CSMD3: variants seen among roughly 807,000 people sequenced by gnomAD.
CSMD3 encodes the protein CUB and sushi domain-containing protein 3.
A neutral mutation model predicts 435.2 loss-of-function variants in CSMD3; 177 were observed. The ratio of observed to expected loss-of-function variants is 0.41; its 90% CI spans 0.36 to 0.46. CSMD3 has a LOEUF of 0.46. Among genes scored for constraint, CSMD3 ranks in the 20% least tolerant of loss-of-function variants. The probability of loss-of-function intolerance (pLI) is 0.34; values close to 1 mark genes in which losing one functional copy is unlikely to be tolerated. For synonymous variants in CSMD3, 1,656 were observed against 1,520.5 expected, an observed-to-expected ratio of 1.09 and a Z score of -2.07; for missense variants, 4,265 against 4,504.6, an observed-to-expected ratio of 0.95 and a Z score of 1.52.
intron 3 of CSMD3, among the ~76,000 whole-genome samples, chr8:113,198,461 C>T (rs1210535404): frequency 6.6e-6 from 1 of 151,004 alleles, no homozygotes; most frequent in Non-Finnish European, 1.5e-5. Flanking sequence ...TTATCAGCTC[C>T]AATTTTTGGA....
intron 31 of CSMD3, among the ~76,000 whole-genome samples, chr8:112,476,257 G>T (rs1819041934): frequency 6.6e-6 from 1 of 152,086 alleles, no homozygotes; most frequent in Non-Finnish European, 1.5e-5. Flanking sequence ...TGTCAGCCAG[G>T]CTGGTCTTGA....
At chr8:113,032,147 G>C (rs556784795) in intron 5 of CSMD3, among the ~76,000 whole-genome samples, 7 of 151,546 alleles carry the variant, frequency 4.6e-5, no homozygotes, top group Non-Finnish European at 1.0e-4. Flanking sequence ...AATACAGAGA[G>C]TTGGTACTAG....
chr8:113,410,932 A>G (rs1206777975), intron 1 of CSMD3, among the ~76,000 whole-genome samples: 2 of 146,214 alleles, frequency 1.4e-5, no homozygotes, highest in Non-Finnish European at 3.0e-5. Context: ...AAAGAAAGAA[A>G]GAAAGAAAGA....
intron 2 of CSMD3, chr8:113,312,505 T>C (rs2093877348): frequency 6.6e-6 from 1 of 152,134 alleles, no homozygotes; most frequent in Non-Finnish European, 1.5e-5. Context: ...AACTTCGCAA[T>C]TTTTTAACTT....
intron 3 of CSMD3, among the ~76,000 whole-genome samples, chr8:113,244,539 C>T (rs2093255468): frequency 6.6e-6 from 1 of 152,124 alleles, no homozygotes; most frequent in Non-Finnish European, 1.5e-5. Flanking sequence ...TGGTCTCAAA[C>T]TCCTGACCTC....
At chr8:113,006,859 G>A (rs1163421700) in intron 6 of CSMD3, among the ~76,000 whole-genome samples, 1 of 151,898 alleles carries the variant, frequency 6.6e-6, no homozygotes. Context: ...AATCCCAGAA[G>A]AGAAAGGCCC....
At chr8:112,897,364 T>TA (rs1326456609) in intron 10 of CSMD3, among the ~76,000 whole-genome samples, 1 of 151,252 alleles carries the variant, frequency 6.6e-6, no homozygotes, top group Non-Finnish European at 1.5e-5. Context: ...ATAAATTAAT[T>TA]AAGAACATAT....
At chr8:112,617,111 G>A (rs1442038333) in intron 22 of CSMD3, among the ~76,000 whole-genome samples, 2 of 152,288 alleles carry the variant, frequency 1.3e-5, no homozygotes, top group South Asian at 2.1e-4. Flanking sequence ...ACACTCATTG[G>A]ATAGTGGAGC....
rs529473648 is a variant in CSMD3 at position 113,272,728 on chromosome 8, A to G, written c.514+5864T>C. On this transcript the variant is annotated intron_variant, in intron 3 of 70. Coordinates refer to ENST00000297405, the MANE Select transcript of CSMD3 (RefSeq NM_198123.2). ...GAACCTATTCAATTACATCTAAAAT[A>G]TTTTATTGAAATAATATCTAATACG... Among the ~76,000 whole-genome samples the G allele has an allele frequency of 2.6e-5, 4 of 152,332 alleles. No individual in the cohort carries two copies. In the South Asian group the frequency reaches 8.3e-4, roughly 32 times the overall value.
At chr8:112,548,538 C>T (rs1380706406) in intron 27 of CSMD3, among the ~76,000 whole-genome samples, 1 of 152,058 alleles carries the variant, frequency 6.6e-6, no homozygotes, top group Non-Finnish European at 1.5e-5. Context: ...TGATCTTGAA[C>T]AAATTAACTG....
intron 38 of CSMD3, among the ~76,000 whole-genome samples, chr8:112,359,475 T>C (rs1008170363): frequency 3.9e-5 from 6 of 152,184 alleles, no homozygotes; most frequent in Non-Finnish European, 8.8e-5. Flanking sequence ...CAGTAAACAT[T>C]ACTTGTGTGA....
intron 5 of CSMD3, among the ~76,000 whole-genome samples, chr8:113,087,320 C>CCA (rs2089827521): frequency 6.7e-6 from 1 of 149,344 alleles, no homozygotes; most frequent in South Asian, 2.1e-4. Flanking sequence ...CCCCATCAAG[C>CCA]TACCAATGAC....
At chr8:112,722,825 CAT>C (rs2076887303) in intron 13 of CSMD3, among the ~76,000 whole-genome samples, 1 of 152,014 alleles carries the variant, frequency 6.6e-6, no homozygotes, top group South Asian at 2.1e-4. Context: ...AATTATGAAA[CAT>C]ATGATGTGTC....
At chr8:112,453,572 TAC>T (rs1161786365) in intron 32 of CSMD3, among the ~76,000 whole-genome samples, 1 of 152,064 alleles carries the variant, frequency 6.6e-6, no homozygotes, top group African/African-American at 2.4e-5. Context: ...GAAAGATCTC[TAC>T]AAGGAGAACT....
intron 61 of CSMD3, among the ~76,000 whole-genome samples, chr8:112,262,939 C>T (rs1327653563): frequency 6.6e-6 from 1 of 152,038 alleles, no homozygotes; most frequent in East Asian, 1.9e-4. Context: ...AGGTAGAGTC[C>T]TCCTCTATCC....
chr8:112,237,416 G>C (rs2129996559), intron 66 of CSMD3, 68 bp from the exon 67 acceptor site: 3 of 1,147,920 alleles, frequency 2.6e-6, no homozygotes, highest in Non-Finnish European at 3.9e-6. Flanking sequence ...ATTAAATAGA[G>C]TATTAGTTTA....
chr8:113,104,710 T>C (rs2090425639), intron 4 of CSMD3, among the ~76,000 whole-genome samples: 1 of 152,124 alleles, frequency 6.6e-6, no homozygotes, highest in Non-Finnish European at 1.5e-5. Context: ...GATTCTCATA[T>C]TTTTATTTTT....
At chr8:113,035,478 T>C (rs773219272) in intron 5 of CSMD3, among the ~76,000 whole-genome samples, 7 of 151,966 alleles carry the variant, frequency 4.6e-5, no homozygotes, top group Non-Finnish European at 8.8e-5. Flanking sequence ...CAGTAGTTGC[T>C]GAGGGCTGGA....
At chr8:113,140,123 T>C (rs2091512667) in intron 4 of CSMD3, among the ~76,000 whole-genome samples, 1 of 150,978 alleles carries the variant, frequency 6.6e-6, no homozygotes, top group Admixed American at 6.6e-5. Context: ...ATCTTTAGAT[T>C]TGACAGCCAA....
Sources: gnomAD v4.1 joint callset for allele counts (sites outside exome capture counted in the v4.1 genomes callset) on GRCh38, gnomAD v4.1.1 for gene constraint, MANE v1.5 for transcripts, NCBI Gene and HGNC (gene_info 2026-07-23, HGNC 2026-07-21) for gene names.